DYDC1: variants seen among roughly 807,000 people sequenced by gnomAD.
The protein encoded by DYDC1 is DPY30 domain containing 1.
DYDC1 carries 21 observed loss-of-function variants against 27.9 expected under a neutral mutation model. The observed-to-expected ratio is 0.75, with a 90% CI of 0.53 to 1.08. The LOEUF (loss-of-function observed/expected upper bound fraction) is 1.08. Ranked by LOEUF, DYDC1 falls within the 50% of genes least tolerant of loss-of-function variation. DYDC1 has a pLI of 0.00. For synonymous variants in DYDC1, 67 were observed against 65.8 expected, an observed-to-expected ratio of 1.02 and a Z score of -0.09; for missense variants, 202 against 205.9, an observed-to-expected ratio of 0.98 and a Z score of 0.12.
intron 3 of DYDC1, among the ~76,000 whole-genome samples, chr10:80,349,336 T>C (rs1183549320): frequency 6.6e-6 from 1 of 152,236 alleles, no homozygotes; most frequent in Non-Finnish European, 1.5e-5. Flanking sequence ...GTGATTATTA[T>C]TTGAATTTCA....
chr10:80,341,002 A>G (rs562949233), intron 4 of DYDC1, among the ~76,000 whole-genome samples: 3 of 152,296 alleles, frequency 2.0e-5, no homozygotes, highest in African/African-American at 7.2e-5. Flanking sequence ...CACCATTCAC[A>G]CTTTTTAAAT....
chr10:80,340,371 G>T (rs1418700798), intron 4 of DYDC1, among the ~76,000 whole-genome samples: 4 of 152,236 alleles, frequency 2.6e-5, no homozygotes, highest in African/African-American at 9.6e-5. Flanking sequence ...TGAGCAATGG[G>T]CGAGGGAGTG....
At chr10:80,337,322 G>A in intron 6 of DYDC1, 2 of 985,448 alleles carry the variant, frequency 2.0e-6, no homozygotes, top group Non-Finnish European at 2.4e-6. Flanking sequence ...CCTGCATAGT[G>A]CCAAATCATA....
chr10:80,356,741 G>A lies in DYDC1; in HGVS notation c.-39C>T, dbSNP rs962420304. 2 of 985,376 alleles carry A rather than the reference G, an allele frequency of 2.0e-6. No homozygotes were observed. Among genetic ancestry groups the A allele is most frequent in the African/African-American group, 1.7e-5 (1 of 57,248 alleles). The allele number at this position is 985,376 out of a possible 1,614,324, so 61.0% of individuals were successfully genotyped here. The stretch of plus-strand genomic sequence containing the variant: ...ACACACGCGCCTGCTCGCCACCCAG[G>A]AGCGGCGTCCCGTTGCCAGGCAACG... On this transcript the variant is annotated 5_prime_UTR_variant, in exon 1 of 7. Transcript: ENST00000372202.
intron 1 of DYDC1, among the ~76,000 whole-genome samples, chr10:80,355,631 C>A (rs1008560577): frequency 6.6e-6 from 1 of 152,058 alleles, no homozygotes; most frequent in African/African-American, 2.4e-5. Context: ...GATTATTATG[C>A]AGATGTACAA....
At chr10:80,356,582 C>T (rs1273831775) in intron 1 of DYDC1, 130 bp downstream of exon 1, 36 of 985,380 alleles carry the variant, frequency 3.7e-5, no homozygotes, top group Non-Finnish European at 4.3e-5. Context: ...GCGAAGCGGC[C>T]TCTCTCCGCC....
chr10:80,352,541 C>T lies in DYDC1; in HGVS notation c.61G>A (p.Val21Met), dbSNP rs781080491. The T allele has an allele frequency of 6.2e-7, 1 of 1,613,746 alleles. No homozygotes were observed. The highest frequency in any genetic ancestry group is 8.5e-7 in the Non-Finnish European group (1 of 1,179,866). ...GGATCCACTGGGCGAACTCTTGCCA[C>T]TTCTGCAAGACCTTGAGTTAAACAG... ...GACLTQGLAE[V>M]ARVRPVDPIE... Residue 21 changes from valine to methionine, a missense_variant, in exon 2 of 7, where the codon GTG becomes ATG. Coordinates refer to ENST00000372202, the MANE Select transcript of DYDC1 (RefSeq NM_001269053.2).
chr10:80,348,706 A>G (rs1353074857), intron 3 of DYDC1, among the ~76,000 whole-genome samples: 1 of 152,236 alleles, frequency 6.6e-6, no homozygotes, highest in Non-Finnish European at 1.5e-5. Flanking sequence ...CTATTCTACA[A>G]AGTAATGCAT....
At chr10:80,340,165 G>A (rs932697536) in intron 4 of DYDC1, among the ~76,000 whole-genome samples, 12 of 152,210 alleles carry the variant, frequency 7.9e-5, no homozygotes, top group Non-Finnish European at 1.6e-4. Flanking sequence ...AGAGGGGAGA[G>A]CCCTGGTAGC....
downstream of DYDC1, chr10:80,336,065 C>A (rs1018082450): frequency 6.0e-5 from 51 of 854,918 alleles, no homozygotes; most frequent in African/African-American, 8.4e-4. Context: ...AAGGGGAGTT[C>A]AAGTTTGAAG....
intron 3 of DYDC1, among the ~76,000 whole-genome samples, chr10:80,345,363 T>C (rs1385064773): frequency 6.6e-6 from 1 of 152,218 alleles, no homozygotes; most frequent in Non-Finnish European, 1.5e-5. Context: ...ATATATATAG[T>C]GAATGCTTAC....
At chr10:80,354,741 A>G (rs1398829466) in intron 1 of DYDC1, among the ~76,000 whole-genome samples, 5 of 152,112 alleles carry the variant, frequency 3.3e-5, no homozygotes, top group African/African-American at 1.2e-4. Flanking sequence ...ATCTGAGAAT[A>G]AAACTAGAAG....
Position 80,336,182 on chromosome 10 carries a change from C to T in DYDC1, c.508G>A (p.Ala170Thr). 1 of 1,567,026 alleles carries T rather than the reference C, an allele frequency of 6.4e-7. No individual in the cohort carries two copies. Among genetic ancestry groups the T allele is most frequent in the Non-Finnish European group, 8.7e-7 (1 of 1,155,918 alleles). ...TACAAATCTTGATCAATGTTTAATGCAATCTAAAAGCAAAACAAAAAGTAA... is the reference window on the plus strand; with the variant it reads ...TACAAATCTTGATCAATGTTTAATGTAATCTAAAAGCAAAACAAAAAGTAA... ...ELDEPMFSDI[A>T]LNIDQDL The change falls in exon 7 of 7, where the codon GCA becomes ACA. Residue 170 changes from alanine to threonine, a missense_variant. Physicochemically the swap from Ala to Thr is moderately conservative, Grantham distance 58. Coordinates refer to ENST00000372202, the MANE Select transcript of DYDC1 (RefSeq NM_001269053.2).
At chr10:80,337,715 A>C (rs897378517) in intron 6 of DYDC1, among the ~76,000 whole-genome samples, 1 of 152,066 alleles carries the variant, frequency 6.6e-6, no homozygotes, top group African/African-American at 2.4e-5. Context: ...TGCCTGGAGC[A>C]CTATCCTCAG....
Position 80,352,510 on chromosome 10 carries a change from T to A in DYDC1, c.92A>T (p.Glu31Val). The A allele has an allele frequency of 6.2e-7, 1 of 1,613,544 alleles. No homozygotes were observed. The highest frequency in any genetic ancestry group is 8.5e-7 in the Non-Finnish European group (1 of 1,179,806). ...VARVRPVDPI[E>V]YLALWIYKYK... is the part of the protein sequence containing the mutation. ...CTTGTAAATCCACAATGCTAAATAT[T>A]CTATCGGATCCACTGGGCGAACTCT... Residue 31 changes from glutamate (E) to valine (V), a missense_variant, in exon 2 of 7, where the codon GAA (glutamate) becomes GTA (valine). Glu to Val is a moderately radical substitution (Grantham distance 121). Transcript: ENST00000372202.
At chr10:80,343,396 G>A (rs111253390) in intron 3 of DYDC1, among the ~76,000 whole-genome samples, 10 of 152,222 alleles carry the variant, frequency 6.6e-5, no homozygotes, top group South Asian at 4.1e-4. Context: ...ACTACAAACC[G>A]CAGTAACATC....
intron 3 of DYDC1, among the ~76,000 whole-genome samples, chr10:80,345,574 T>C (rs988601518): frequency 1.3e-5 from 2 of 152,184 alleles, no homozygotes; most frequent in African/African-American, 4.8e-5. Flanking sequence ...ATCTCCTCAT[T>C]CTTCTTCCAG....
At chr10:80,353,626 C>T (rs913103772) in intron 1 of DYDC1, among the ~76,000 whole-genome samples, 17 of 149,918 alleles carry the variant, frequency 1.1e-4, no homozygotes, top group South Asian at 1.1e-3. Flanking sequence ...CCGAGGCGGG[C>T]GGATCACAAG....
intron 3 of DYDC1, among the ~76,000 whole-genome samples, chr10:80,347,299 T>TGAG (rs1842720300): frequency 1.4e-5 from 1 of 72,438 alleles, no homozygotes; most frequent in Non-Finnish European, 2.9e-5. Context: ...TTTTTTTTTT[T>TGAG]TTTTTTGCTA....
Sources: gnomAD v4.1 joint callset for allele counts (sites outside exome capture counted in the v4.1 genomes callset) on GRCh38, gnomAD v4.1.1 for gene constraint, MANE v1.5 for transcripts, NCBI Gene and HGNC (gene_info 2026-07-23, HGNC 2026-07-21) for gene names.